FAM3C: variants seen among roughly 807,000 people sequenced by gnomAD.
FAM3C encodes the protein protein FAM3C.
A neutral mutation model predicts 32.5 loss-of-function variants in FAM3C; 15 were observed. The ratio of observed to expected loss-of-function variants is 0.46; its 90% CI spans 0.31 to 0.71. The LOEUF is 0.71. Ranked by LOEUF, FAM3C falls within the 30% of genes least tolerant of loss-of-function variation. The pLI is 0.05. For missense variants in FAM3C, 175 were observed against 274.4 expected, an observed-to-expected ratio of 0.64 and a Z score of 2.56; for synonymous variants, 75 against 86.1, an observed-to-expected ratio of 0.87 and a Z score of 0.72.
rs771111364 is a variant in FAM3C at position 121,371,320 on chromosome 7, T to C, written c.252A>G (p.Lys84=). 6.2e-7 allele frequency: 1 copy of C among 1,613,304 alleles called. No homozygotes were observed. The highest frequency in any genetic ancestry group is 2.2e-5 in the East Asian group (1 of 44,882). The change falls in exon 5 of 10, where the codon AAA becomes AAG. Residue 84 remains lysine, a synonymous_variant. Coordinates refer to ENST00000359943, the MANE Select transcript of FAM3C (RefSeq NM_014888.3). ...ASGAANVVGP[K]ICLEDNVLMS... ...CTTACACATTATCTTCCAGGCAGAT[T>C]TTGGGTCCCACCACGTTGGCTGCTC...
Position 121,350,051 on chromosome 7 carries a change from C to T in FAM3C, c.*410G>A, listed in dbSNP as rs548653685. ...AATTTAAAAGATAATGTCATCACAA[C>T]GCAACATATAGAAACATAAAAGAAA... On this transcript the variant is annotated 3_prime_UTR_variant, in exon 10 of 10. Transcript: ENST00000359943. 4.0e-5 allele frequency: 7 copies of T among 173,274 alleles called. No homozygotes were observed. The highest frequency in any genetic ancestry group is 3.4e-4 in the South Asian group (3 of 8,790). 10.7% of individuals were successfully genotyped at this position (173,274 alleles called of 1,614,324 possible). A position where few individuals can be genotyped will look rare whatever the true frequency, so the allele number is the denominator to read the frequency against.
chr7:121,368,806 T>C (rs926943568), intron 5 of FAM3C, among the ~76,000 whole-genome samples: 12 of 151,820 alleles, frequency 7.9e-5, no homozygotes, highest in African/African-American at 2.9e-4. Flanking sequence ...TTCCTTTCTA[T>C]CCCTCAGATC....
chr7:121,357,717 G>A (rs1381622382), intron 8 of FAM3C, among the ~76,000 whole-genome samples: 1 of 152,116 alleles, frequency 6.6e-6, no homozygotes, highest in Non-Finnish European at 1.5e-5. Flanking sequence ...AGAAATTAAA[G>A]TTTAGATTTT....
intron 5 of FAM3C, among the ~76,000 whole-genome samples, chr7:121,369,044 A>G (rs1402933122): frequency 3.6e-5 from 5 of 140,578 alleles, no homozygotes; most frequent in Admixed American, 3.1e-4. Flanking sequence ...CAGTGGTGCG[A>G]TCTTGGCCCA....
chr7:121,385,423 C>T (rs1044882360), intron 1 of FAM3C, among the ~76,000 whole-genome samples: 1 of 152,168 alleles, frequency 6.6e-6, no homozygotes, highest in Admixed American at 6.6e-5. Context: ...ACAGCAAGGA[C>T]AGCCACCACA....
chr7:121,385,215 T>C (rs1174174410), intron 1 of FAM3C, among the ~76,000 whole-genome samples: 5 of 152,144 alleles, frequency 3.3e-5, no homozygotes, highest in African/African-American at 1.2e-4. Context: ...TAGAGCCACT[T>C]ACCAAAACCA....
At chr7:121,363,387 C>A (rs1481176594) in intron 6 of FAM3C, among the ~76,000 whole-genome samples, 1 of 152,040 alleles carries the variant, frequency 6.6e-6, no homozygotes, top group African/African-American at 2.4e-5. Context: ...CATTAACTTG[C>A]CCTATAAAAT....
chr7:121,355,862 G>C (rs1793797777), intron 8 of FAM3C, among the ~76,000 whole-genome samples: 1 of 152,124 alleles, frequency 6.6e-6, no homozygotes. Flanking sequence ...TGACTTTGAA[G>C]AGAGTACAAA....
intron 1 of FAM3C, among the ~76,000 whole-genome samples, chr7:121,391,065 C>T (rs759449274): frequency 1.3e-5 from 2 of 152,034 alleles, no homozygotes; most frequent in African/African-American, 4.8e-5. Context: ...AACCAGAGTA[C>T]TAGATTTAAT....
At position 121,350,035 on chromosome 7, in the gene FAM3C, G is replaced by C. The variant is rs937655607; in HGVS notation, c.*426C>G. The C allele has an allele frequency of 6.3e-6, 1 of 159,544 alleles. No homozygotes were observed. Among genetic ancestry groups the C allele is most frequent in the African/African-American group, 2.7e-5 (1 of 36,906 alleles). 9.9% of individuals were successfully genotyped at this position (159,544 alleles called of 1,614,324 possible). A position where few individuals can be genotyped will look rare whatever the true frequency, so the allele number is the denominator to read the frequency against. On this transcript the variant is annotated 3_prime_UTR_variant, in exon 10 of 10. Coordinates refer to ENST00000359943, the MANE Select transcript of FAM3C (RefSeq NM_014888.3). ...AGCCAAATCTCTTTTTAATTTAAAA[G>C]ATAATGTCATCACAACGCAACATAT...
chr7:121,373,418 GCTGTCC>G (rs1474317042), intron 3 of FAM3C, among the ~76,000 whole-genome samples: 9 of 152,262 alleles, frequency 5.9e-5, no homozygotes, highest in African/African-American at 2.2e-4. Flanking sequence ...TTCATAAACA[GCTGTCC>G]AAGTATAGAA....
chr7:121,359,099 G>A (rs994073420), intron 8 of FAM3C, among the ~76,000 whole-genome samples: 27 of 151,582 alleles, frequency 1.8e-4, no homozygotes, highest in African/African-American at 5.8e-4. Flanking sequence ...TTGGTGCCAT[G>A]GAACTTCTGA....
Position 121,349,936 on chromosome 7 carries a change from G to C in FAM3C, c.*525C>G, listed in dbSNP as rs1239602944. ...TATTAAACATTCCTCAGTTTCTTGG[G>C]AAGGAAAGAAAAAGATCATGAAAAG... On this transcript the variant is annotated 3_prime_UTR_variant, in exon 10 of 10. Transcript: ENST00000359943. 11 of 144,894 alleles carry C rather than the reference G, an allele frequency of 7.6e-5. No homozygotes were observed. Among genetic ancestry groups the C allele is most frequent in the Admixed American group, 2.8e-4 (4 of 14,400 alleles). The allele number at this position is 144,894 out of a possible 1,614,324, so 9.0% of individuals were successfully genotyped here. A position where few individuals can be genotyped will look rare whatever the true frequency, so the allele number is the denominator to read the frequency against.
At position 121,351,422 on chromosome 7, in the gene FAM3C, AC is replaced by A. The variant is rs1793703813; in HGVS notation, c.468-154del. The A allele has an allele frequency of 1.1e-5, 7 of 615,652 alleles. No individual in the cohort carries two copies. In the East Asian group the frequency reaches 2.0e-4, roughly 18 times the overall value. The allele number at this position is 615,652 out of a possible 1,614,324, so 38.1% of individuals were successfully genotyped here. A position where few individuals can be genotyped will look rare whatever the true frequency, so the allele number is the denominator to read the frequency against. On this transcript the variant is annotated intron_variant, in intron 8 of 9. Coordinates refer to ENST00000359943, the MANE Select transcript of FAM3C (RefSeq NM_014888.3). ...AATTTTTTTTCAGAGTTACATTTCT[AC>A]TGGTTGAATTCTTTAGTGACAAAAG...
At chr7:121,378,077 G>A (rs1794275038) in intron 3 of FAM3C, among the ~76,000 whole-genome samples, 1 of 152,122 alleles carries the variant, frequency 6.6e-6, no homozygotes, top group Non-Finnish European at 1.5e-5. Context: ...GAAAAGAAAT[G>A]CATACTTCAC....
chr7:121,384,130 A>C (rs1794416664), intron 1 of FAM3C, among the ~76,000 whole-genome samples: 1 of 152,128 alleles, frequency 6.6e-6, no homozygotes, highest in South Asian at 2.1e-4. Flanking sequence ...CCAAAAGTCC[A>C]ATGCTCTTAG....
At chr7:121,378,055 G>A (rs1033407648) in intron 3 of FAM3C, among the ~76,000 whole-genome samples, 8 of 151,934 alleles carry the variant, frequency 5.3e-5, no homozygotes, top group South Asian at 2.1e-4. Context: ...GTCTTATAGC[G>A]GTATATTTAT....
In FAM3C at chr7:121,367,871, T is replaced by C. The variant is rs891011558; in HGVS notation, c.272+3429A>G. On this transcript the variant is annotated intron_variant, in intron 5 of 9. Transcript: ENST00000359943. The stretch of plus-strand genomic sequence containing the variant: ...GTCCCAGCTACTCAGGAGGTGGAGG[T>C]GGGAAGATCGCTTGAGTCCAGGCAT... Among the ~76,000 whole-genome samples the C allele has an allele frequency of 2.0e-5, 3 of 151,710 alleles. No individual in the cohort carries two copies. The South Asian group carries it at 6.3e-4, about 32-fold the overall frequency.
At chr7:121,356,204 T>A (rs955104971) in intron 8 of FAM3C, among the ~76,000 whole-genome samples, 1 of 152,174 alleles carries the variant, frequency 6.6e-6, no homozygotes, top group African/African-American at 2.4e-5. Context: ...GTAGCTAGCA[T>A]CTGCATTGTA....
Sources: gnomAD v4.1 joint callset for allele counts (sites outside exome capture counted in the v4.1 genomes callset) on GRCh38, gnomAD v4.1.1 for gene constraint, MANE v1.5 for transcripts, NCBI Gene and HGNC (gene_info 2026-07-23, HGNC 2026-07-21) for gene names.